Variants in DCUN1D5 observed in about 807,000 individuals in gnomAD.
The protein encoded by DCUN1D5 is DCN1-like protein 5.
In DCUN1D5, 10 loss-of-function variants were observed where a neutral mutation model predicts 38.3. The observed-to-expected ratio is 0.26, with a 90% confidence interval of 0.16 to 0.44. The LOEUF (loss-of-function observed/expected upper bound fraction) is 0.44. Ranked by LOEUF, DCUN1D5 falls within the 20% of genes least tolerant of loss-of-function variation. The pLI, the probability that DCUN1D5 is intolerant of heterozygous loss-of-function variation, is 1.00. For missense variants in DCUN1D5, 148 were observed against 275.3 expected (o/e 0.54, Z 3.27); for synonymous variants, 93 against 90.9 (o/e 1.02, Z -0.13).
chr11:103,075,539 G>A (rs1862387341), intron 4 of DCUN1D5, among the ~76,000 whole-genome samples: 1 of 152,034 alleles, frequency 6.6e-6, no homozygotes, highest in Non-Finnish European at 1.5e-5. Context: ...ATGCCACCAT[G>A]CCCAGCTAAT....
rs1862461211 is a variant in DCUN1D5, at chr11:103,078,303, G to C, written c.341+4445C>G. ...CTTTCAGCTAGCAGATATGAGAAAA[G>C]ACCTCCACTCTAGTACACTATGCCA... On this transcript the variant is annotated intron_variant, in intron 4 of 7. Coordinates refer to ENST00000260247, the MANE Select transcript of DCUN1D5 (RefSeq NM_032299.4). The surrounding 1 kb of genome is among the most constrained non-coding windows in gnomAD (Gnocchi z 4.6). 6.6e-6 allele frequency among the ~76,000 whole-genome samples: 1 copy of C among 152,148 alleles called. No homozygotes were observed. The highest frequency in any genetic ancestry group is 1.5e-5 in the Non-Finnish European group (1 of 68,036).
Position 103,077,149 on chromosome 11 carries a change from G to A in DCUN1D5, c.341+5599C>T, listed in dbSNP as rs1375519680. Reference sequence around the variant, plus strand: ...CGGGAGGCGGAGCTTGCAGTGAGCCGAGATCGCGCCACTGCACTCCAGCCT... The same window carrying A: ...CGGGAGGCGGAGCTTGCAGTGAGCCAAGATCGCGCCACTGCACTCCAGCCT... On this transcript the variant is annotated intron_variant, in intron 4 of 7. Transcript: ENST00000260247. This position sits in a 1 kb window ranked among gnomAD's most constrained non-coding sequence, Gnocchi z 4.3. 2.6e-5 allele frequency among the ~76,000 whole-genome samples: 4 copies of A among 152,012 alleles called. No individual in the cohort carries two copies. The highest frequency in any genetic ancestry group is 1.3e-4 in the Admixed American group (2 of 15,264).
Position 103,052,133 on chromosome 11 carries a change from G to GT in DCUN1D5, c.*10225dup, listed in dbSNP as rs760868777. On this transcript the variant is annotated 3_prime_UTR_variant, in exon 8 of 8. Transcript: ENST00000260247. ...GAGACTGCTCCAGTACTACTTAAAC[G>GT]TAAGTTTTATTCAGTTCTGCAAATG... The GT allele has an allele frequency of 1.1e-4, 16 of 152,242 alleles. No homozygotes were observed. In the South Asian group the frequency reaches 1.7e-3, roughly 16 times the overall value. The allele number at this position is 152,242 out of a possible 1,614,324, so 9.4% of individuals were successfully genotyped here. A position where few individuals can be genotyped will look rare whatever the true frequency, so the allele number is the denominator to read the frequency against.
intron 4 of DCUN1D5, among the ~76,000 whole-genome samples, chr11:103,072,007 C>T (rs1862283604): frequency 6.6e-6 from 1 of 150,852 alleles, no homozygotes; most frequent in Non-Finnish European, 1.5e-5. Flanking sequence ...AGAAAAAGCA[C>T]TTTAAAAATT....
rs1424685910 is a variant in DCUN1D5 at position 103,050,894 on chromosome 11, T to G, written c.*11465A>C. On this transcript the variant is annotated 3_prime_UTR_variant, in exon 8 of 8. Coordinates refer to ENST00000260247, the MANE Select transcript of DCUN1D5 (RefSeq NM_032299.4). ...TTATCAGCACTCTAATAAAAGTATA[T>G]ACAAGGTTAGTAGTGTCTCCATGAT... The G allele has an allele frequency of 4.6e-5, 7 of 152,176 alleles. No homozygotes were observed. Among genetic ancestry groups the G allele is most frequent in the Non-Finnish European group, 5.9e-5 (4 of 68,016 alleles). The allele number at this position is 152,176 out of a possible 1,614,324, so 9.4% of individuals were successfully genotyped here. A position where few individuals can be genotyped will look rare whatever the true frequency, so the allele number is the denominator to read the frequency against.
rs1226442456 is a variant in DCUN1D5 at position 103,078,594 on chromosome 11, C to T, written c.341+4154G>A. 6.6e-6 allele frequency among the ~76,000 whole-genome samples: 1 copy of T among 152,234 alleles called. No homozygotes were observed. Among genetic ancestry groups the T allele is most frequent in the Non-Finnish European group, 1.5e-5 (1 of 68,042 alleles). On this transcript the variant is annotated intron_variant, in intron 4 of 7. Coordinates refer to ENST00000260247, the MANE Select transcript of DCUN1D5 (RefSeq NM_032299.4). This position sits in a 1 kb window ranked among gnomAD's most constrained non-coding sequence, Gnocchi z 4.6. ...TCTGATGGTTTCCCAATATCTGTAA[C>T]ATAGATTTAAACTCTCTCAACGTAT...
intron 4 of DCUN1D5, among the ~76,000 whole-genome samples, chr11:103,079,240 A>G (rs2513996): frequency 0.32 from 48,452 of 151,944 alleles, 8,602 homozygotes; most frequent in African/African-American, 0.49. Context: ...AGCCCCATCC[A>G]TGGTAAAACT....
chr11:103,081,652 C>T (rs911675375), intron 4 of DCUN1D5, among the ~76,000 whole-genome samples: 3 of 152,040 alleles, frequency 2.0e-5, no homozygotes, highest in African/African-American at 4.8e-5. Flanking sequence ...CAAATATTTT[C>T]GTAACCTCTC....
In DCUN1D5 at chr11:103,071,121, TCAA is replaced by T. The variant is rs1486131045; in HGVS notation, c.342-4557_342-4555del. Among the ~76,000 whole-genome samples the T allele has an allele frequency of 6.6e-6, 1 of 151,932 alleles. No individual in the cohort carries two copies. Among genetic ancestry groups the T allele is most frequent in the Non-Finnish European group, 1.5e-5 (1 of 67,942 alleles). On this transcript the variant is annotated intron_variant, in intron 4 of 7. Coordinates refer to ENST00000260247, the MANE Select transcript of DCUN1D5 (RefSeq NM_032299.4). The surrounding 1 kb of genome is among the most constrained non-coding windows in gnomAD (Gnocchi z 4.1). ...CATTAGAAAAAAGAAAAAGCCTTAA[TCAA>T]CAATCTAAGCTTGTACCTCTAGAAC...
In DCUN1D5 at chr11:103,064,201, C is replaced by A. The variant is rs2134601945; in HGVS notation, c.658+74G>T. The A allele has an allele frequency of 8.8e-7, 1 of 1,141,704 alleles. No individual in the cohort carries two copies. Among genetic ancestry groups the A allele is most frequent in the East Asian group, 2.4e-5 (1 of 42,012 alleles). The allele number at this position is 1,141,704 out of a possible 1,614,324, so 70.7% of individuals were successfully genotyped here. On this transcript the variant is annotated intron_variant, in intron 7 of 7. Transcript: ENST00000260247. The surrounding 1 kb of genome is among the most constrained non-coding windows in gnomAD (Gnocchi z 4.5). ...AAAGTTTAAAACCTCTATGCTAATA[C>A]TACACAAATGCATACTCTCATTTAA...
chr11:103,076,926 C>T (rs141817710), intron 4 of DCUN1D5, among the ~76,000 whole-genome samples: 138 of 152,236 alleles, frequency 9.1e-4, no homozygotes, highest in Admixed American at 1.9e-3. Context: ...TAGGCCAGCA[C>T]GGTGGCTCAC....
rs1450307710 is a variant in DCUN1D5 at position 103,086,284 on chromosome 11, G to C, written c.178+2943C>G. On this transcript the variant is annotated intron_variant, in intron 2 of 7. Coordinates refer to ENST00000260247, the MANE Select transcript of DCUN1D5 (RefSeq NM_032299.4). The surrounding 1 kb of genome is among the most constrained non-coding windows in gnomAD (Gnocchi z 4.1). ...AAAACACACAACCAGTAAATCTGATGCTGTAATGCTATTACTGTTTTAATA... is the reference window on the plus strand; with the variant it reads ...AAAACACACAACCAGTAAATCTGATCCTGTAATGCTATTACTGTTTTAATA... Among the ~76,000 whole-genome samples the C allele has an allele frequency of 2.0e-5, 3 of 152,118 alleles. No homozygotes were observed. Among genetic ancestry groups the C allele is most frequent in the Admixed American group, 2.0e-4 (3 of 15,268 alleles).
chr11:103,053,585 C>CTA lies in DCUN1D5; in HGVS notation c.*8772_*8773dup, dbSNP rs1296336878. The CTA allele has an allele frequency of 2.6e-5, 4 of 151,624 alleles. No individual in the cohort carries two copies. The highest frequency in any genetic ancestry group is 4.8e-5 in the African/African-American group (2 of 41,288). The allele number at this position is 151,624 out of a possible 1,614,324, so 9.4% of individuals were successfully genotyped here. ...CATTTAATTATATGAATATATCATACTATCACATGTACCCCCCAAATAAAT... is the reference window on the plus strand; with the variant it reads ...CATTTAATTATATGAATATATCATACTATATCACATGTACCCCCCAAATAAAT... On this transcript the variant is annotated 3_prime_UTR_variant, in exon 8 of 8. Coordinates refer to ENST00000260247, the MANE Select transcript of DCUN1D5 (RefSeq NM_032299.4). This position sits in a 1 kb window ranked among gnomAD's most constrained non-coding sequence, Gnocchi z 4.8.
chr11:103,051,365 A>G lies in DCUN1D5; in HGVS notation c.*10994T>C, dbSNP rs566900516. 7.9e-5 allele frequency: 12 copies of G among 152,354 alleles called. No homozygotes were observed. In the East Asian group the frequency reaches 2.1e-3, roughly 27 times the overall value. 9.4% of individuals were successfully genotyped at this position (152,354 alleles called of 1,614,324 possible). On this transcript the variant is annotated 3_prime_UTR_variant, in exon 8 of 8. Transcript: ENST00000260247. Reference sequence around the variant, plus strand: ...TTTATCTTGTGGTTTGCTTCTTCTGACAAGGCAGCAACCTTAGAAATGATA... The same window carrying G: ...TTTATCTTGTGGTTTGCTTCTTCTGGCAAGGCAGCAACCTTAGAAATGATA...
In DCUN1D5 at chr11:103,053,667, C is replaced by A. The variant is rs184747144; in HGVS notation, c.*8692G>T. Reference sequence around the variant, plus strand: ...AATATATCATACTATCACATGTACCCCCAAATAAATACATCATGTATCAAT... The same window carrying A: ...AATATATCATACTATCACATGTACCACCAAATAAATACATCATGTATCAAT... On this transcript the variant is annotated 3_prime_UTR_variant, in exon 8 of 8. Coordinates refer to ENST00000260247, the MANE Select transcript of DCUN1D5 (RefSeq NM_032299.4). This position sits in a 1 kb window ranked among gnomAD's most constrained non-coding sequence, Gnocchi z 4.8. 6.6e-6 allele frequency: 1 copy of A among 151,412 alleles called. No individual in the cohort carries two copies. Among genetic ancestry groups the A allele is most frequent in the East Asian group, 1.9e-4 (1 of 5,152 alleles). 9.4% of individuals were successfully genotyped at this position (151,412 alleles called of 1,614,324 possible). A position where few individuals can be genotyped will look rare whatever the true frequency, so the allele number is the denominator to read the frequency against.
intron 2 of DCUN1D5, among the ~76,000 whole-genome samples, chr11:103,085,459 G>T (rs892041299): frequency 6.6e-6 from 1 of 152,092 alleles, no homozygotes; most frequent in Admixed American, 6.5e-5. Flanking sequence ...AAATAAAAAA[G>T]AAATATCAGT....
chr11:103,091,694 C>T lies in DCUN1D5; in HGVS notation c.86+93G>A, dbSNP rs1342803253. 6.2e-7 allele frequency: 1 copy of T among 1,609,170 alleles called. No homozygotes were observed. Among genetic ancestry groups the T allele is most frequent in the Non-Finnish European group, 8.5e-7 (1 of 1,177,980 alleles). On this transcript the variant is annotated intron_variant, in intron 1 of 7. Transcript: ENST00000260247. This position sits in a 1 kb window ranked among gnomAD's most constrained non-coding sequence, Gnocchi z 4.3. The stretch of plus-strand genomic sequence containing the variant: ...TCAAAGGGGCCTCACCTGTCTCCAG[C>T]CCCAGCCCGGCAGGCCGGGCCCGAC...
intron 4 of DCUN1D5, among the ~76,000 whole-genome samples, chr11:103,076,642 T>C (rs1179393959): frequency 1.3e-5 from 2 of 152,336 alleles, no homozygotes; most frequent in East Asian, 3.9e-4. Context: ...ATAGGACAAC[T>C]ATATGGCAAG....
At chr11:103,082,483 C>A (rs557189067) in intron 4 of DCUN1D5, among the ~76,000 whole-genome samples, 3 of 152,058 alleles carry the variant, frequency 2.0e-5, no homozygotes, top group Non-Finnish European at 2.9e-5. Context: ...GGTCTTTGAT[C>A]ATAGACTTTT....
Sources: allele counts gnomAD v4.1 joint callset (sites outside exome capture counted in the v4.1 genomes callset), GRCh38; gene constraint gnomAD v4.1.1; non-coding constraint Gnocchi (gnomAD v3.1); transcripts MANE v1.5; gene names NCBI Gene and HGNC (gene_info 2026-07-23, HGNC 2026-07-21).